Variants in TSHR observed in about 807,000 individuals in gnomAD.
TSHR encodes the protein thyrotropin receptor.
A neutral mutation model predicts 64.1 loss-of-function variants in TSHR; 51 were observed. The ratio of observed to expected loss-of-function variants is 0.80; its 90% CI spans 0.64 to 1.01. The LOEUF is 1.01. TSHR is among the 50% of genes least tolerant of loss of function. The pLI is 0.00. For missense variants in TSHR, 877 were observed against 942.8 expected, an observed-to-expected ratio of 0.93 and a Z score of 0.91; for synonymous variants, 361 against 361.9, an observed-to-expected ratio of 1.00 and a Z score of 0.03.
chr14:80,976,498 C>T (rs7160338), intron 1 of TSHR, among the ~76,000 whole-genome samples: 8,346 of 152,198 alleles, frequency 0.055, 741 homozygotes, highest in African/African-American at 0.19. Flanking sequence ...ATGATCAAAG[C>T]CTTCATTTTT....
In TSHR at chr14:81,103,637, G is replaced by C. The variant is rs1889720290; in HGVS notation, c.615-4738G>C. 1 of 985,352 alleles carries C rather than the reference G, an allele frequency of 1.0e-6. No individual in the cohort carries two copies. The highest frequency in any genetic ancestry group is 1.7e-5 in the African/African-American group (1 of 57,252). 61.0% of individuals were successfully genotyped at this position (985,352 alleles called of 1,614,324 possible). ...GTCCTATGACTTCCTATGGCGCCAA[G>C]AATGTTGTCATCACTCAGAGGTGAA... On this transcript the variant is annotated intron_variant, in intron 7 of 9. Coordinates refer to ENST00000298171, the MANE Select transcript of TSHR (RefSeq NM_000369.5). The surrounding 1 kb of genome is among the most constrained non-coding windows in gnomAD (Gnocchi z 4.1).
rs374766183 is a variant in TSHR at position 81,144,357 on chromosome 14, A to G, written c.*4A>G. 97 of 1,613,740 alleles carry G rather than the reference A, an allele frequency of 6.0e-5. No homozygotes were observed. Among genetic ancestry groups the G allele is most frequent in the South Asian group, 2.0e-4 (18 of 91,080 alleles). Reference sequence around the variant, plus strand: ...GTATATGCAAACGGTTTTGTAAGTTAACACTACACTACTCACAATGGTAGG... The same window carrying G: ...GTATATGCAAACGGTTTTGTAAGTTGACACTACACTACTCACAATGGTAGG... On this transcript the variant is annotated 3_prime_UTR_variant, in exon 10 of 10. Transcript: ENST00000298171.
intron 8 of TSHR, among the ~76,000 whole-genome samples, chr14:81,137,607 G>A (rs973258876): frequency 6.6e-6 from 1 of 152,078 alleles, no homozygotes; most frequent in African/African-American, 2.4e-5. Context: ...CCCAGCTGAC[G>A]CCCCAGACAT....
chr14:81,031,777 CTT>C (rs1156836756), intron 1 of TSHR, among the ~76,000 whole-genome samples: 1 of 152,188 alleles, frequency 6.6e-6, no homozygotes, highest in African/African-American at 2.4e-5. Flanking sequence ...CACAGAGGCA[CTT>C]ACAGGCATCA....
chr14:81,042,743 T>A (rs1309288412), intron 1 of TSHR, among the ~76,000 whole-genome samples: 1 of 152,128 alleles, frequency 6.6e-6, no homozygotes, highest in Non-Finnish European at 1.5e-5. Flanking sequence ...GTGACTATAG[T>A]TAACGACATT....
chr14:81,131,069 T>A (rs912133299), intron 8 of TSHR, among the ~76,000 whole-genome samples: 3 of 151,316 alleles, frequency 2.0e-5, no homozygotes, highest in Admixed American at 1.3e-4. Context: ...CATCTCAAAC[T>A]TGACATGCCC....
intron 1 of TSHR, among the ~76,000 whole-genome samples, chr14:80,961,396 T>G (rs1887021133): frequency 6.6e-6 from 1 of 152,208 alleles, no homozygotes; most frequent in Non-Finnish European, 1.5e-5. Flanking sequence ...GATATTTACT[T>G]AAACTGAGGT....
At chr14:81,102,839 AAAGGGC>A (rs1889672677) in intron 7 of TSHR, 1 of 985,262 alleles carries the variant, frequency 1.0e-6, no homozygotes, top group Admixed American at 6.1e-5. Context: ...GGTAAAGGTT[AAAGGGC>A]AAGCGTGGGA....
intron 1 of TSHR, among the ~76,000 whole-genome samples, chr14:81,035,693 G>A (rs1055104574): frequency 2.0e-5 from 3 of 152,286 alleles, no homozygotes; most frequent in South Asian, 2.1e-4. Flanking sequence ...TGAATTTAGA[G>A]GAAATGGGTA....
intron 8 of TSHR, among the ~76,000 whole-genome samples, chr14:81,112,920 T>C (rs915149862): frequency 6.6e-6 from 1 of 152,158 alleles, no homozygotes; most frequent in African/African-American, 2.4e-5. Context: ...GTAAAAGCTG[T>C]GATCAAAAAG....
At chr14:81,088,094 C>A in intron 4 of TSHR, 66 bp downstream of exon 4, 1 of 1,273,438 alleles carries the variant, frequency 7.9e-7, no homozygotes, top group South Asian at 1.2e-5. Flanking sequence ...ATGCTGTTGT[C>A]TCCCAGGAAT....
intron 2 of TSHR, among the ~76,000 whole-genome samples, chr14:81,067,483 T>TTTTATATATATATATATATA (rs1555376189): frequency 3.0e-5 from 4 of 134,976 alleles, no homozygotes; most frequent in African/African-American, 1.2e-4. Context: ...GTTTATAGTT[T>TTTTATATATATATATATATA]TATATATATA....
At chr14:80,996,174 A>G (rs775487890) in intron 1 of TSHR, among the ~76,000 whole-genome samples, 3 of 152,122 alleles carry the variant, frequency 2.0e-5, no homozygotes, top group Non-Finnish European at 4.4e-5. Flanking sequence ...TGTTGAAGTG[A>G]TCATCTTAAA....
intron 1 of TSHR, among the ~76,000 whole-genome samples, chr14:81,045,318 G>A (rs1369700480): frequency 6.6e-6 from 1 of 152,194 alleles, no homozygotes; most frequent in Non-Finnish European, 1.5e-5. Context: ...GGGAAGATTG[G>A]TATTAGTTCT....
intron 2 of TSHR, 77 bp downstream of exon 2, chr14:81,062,296 C>T (rs1777643739): frequency 1.8e-6 from 2 of 1,099,720 alleles, no homozygotes; most frequent in African/African-American, 1.6e-5. Context: ...AAGAAAAATA[C>T]TTGGTATTAT....
intron 2 of TSHR, among the ~76,000 whole-genome samples, chr14:81,066,215 A>G (rs1426504153): frequency 6.6e-6 from 1 of 152,128 alleles, no homozygotes; most frequent in Non-Finnish European, 1.5e-5. Context: ...AAAGACTCAT[A>G]CTTCTTAACT....
At position 81,042,662 on chromosome 14, in the gene TSHR, G is replaced by A. The variant is rs1884979066; in HGVS notation, c.171-19486G>A. Among the ~76,000 whole-genome samples, 3 of 151,630 alleles carry A rather than the reference G, an allele frequency of 2.0e-5. 1 individual carries two copies. In the South Asian group the frequency reaches 6.2e-4, roughly 32 times the overall value. On this transcript the variant is annotated intron_variant, in intron 1 of 9. Transcript: ENST00000298171. ...TGTAGGGGTAAGAGGAGGATGGGGA[G>A]AGATTAGTCAATGGGTACAAAGTTA... is the stretch of plus-strand genomic sequence containing the variant.
chr14:81,130,916 G>A (rs1358997261), intron 8 of TSHR, among the ~76,000 whole-genome samples: 3 of 95,446 alleles, frequency 3.1e-5, no homozygotes, highest in East Asian at 3.2e-4. Flanking sequence ...GCGTGAACCC[G>A]GGAAGCGGAG....
intron 3 of TSHR, among the ~76,000 whole-genome samples, chr14:81,077,438 C>A (rs1312755743): frequency 6.6e-6 from 1 of 152,174 alleles, no homozygotes; most frequent in Non-Finnish European, 1.5e-5. Context: ...GTTTAGCCAA[C>A]CTTAATTGAG....
Sources: allele counts gnomAD v4.1 joint callset (sites outside exome capture counted in the v4.1 genomes callset), GRCh38; gene constraint gnomAD v4.1.1; non-coding constraint Gnocchi (gnomAD v3.1); transcripts MANE v1.5; gene names NCBI Gene and HGNC (gene_info 2026-07-23, HGNC 2026-07-21).